Variants in SLC12A9 observed in about 807,000 individuals in gnomAD.
SLC12A9 encodes solute carrier family 12 member 9.
A neutral mutation model predicts 66.0 loss-of-function variants in SLC12A9; 55 were observed. The observed-to-expected ratio is 0.83, with a 90% CI of 0.67 to 1.04. The LOEUF (loss-of-function observed/expected upper bound fraction) is 1.04. Ranked by LOEUF, SLC12A9 falls within the 50% of genes least tolerant of loss-of-function variation. The pLI, the probability that SLC12A9 is intolerant of heterozygous loss-of-function variation, is 0.00. For missense variants in SLC12A9, 1,061 were observed against 1,241.9 expected (o/e 0.85, Z 2.19); for synonymous variants, 577 against 569.0 (o/e 1.01, Z -0.20).
chr7:100,856,033 A>C, intron 4 of SLC12A9, 196 bp downstream of exon 4: 1 of 742,596 alleles, frequency 1.3e-6, no homozygotes, highest in Non-Finnish European at 2.0e-6. Flanking sequence ...CAGGGAGCTA[A>C]CCATCTAATC....
At position 100,854,152 on chromosome 7, in the gene SLC12A9, G is replaced by T. The variant is rs1814240809; in HGVS notation, c.-42-4G>T. The T allele has an allele frequency of 2.0e-6, 3 of 1,501,932 alleles. No individual in the cohort carries two copies. Among genetic ancestry groups the T allele is most frequent in the Non-Finnish European group, 2.7e-6 (3 of 1,132,002 alleles). 93.0% of individuals were successfully genotyped at this position (1,501,932 alleles called of 1,614,324 possible). On this transcript the variant is annotated splice_region_variant and splice_polypyrimidine_tract_variant and intron_variant, in intron 1 of 13. Coordinates refer to ENST00000354161, the MANE Select transcript of SLC12A9 (RefSeq NM_020246.4). ...CTTTTGATGCAACATAATCTCCTTT[G>T]CAGGTCACCTAACCCATTTGTGGCT...
At chr7:100,843,304 A>C (rs1344286278) in intron 1 of SLC12A9, among the ~76,000 whole-genome samples, 1 of 152,262 alleles carries the variant, frequency 6.6e-6, no homozygotes, top group Non-Finnish European at 1.5e-5. Flanking sequence ...GAGGAATACC[A>C]GATCAATTTA....
intron 1 of SLC12A9, among the ~76,000 whole-genome samples, chr7:100,829,251 G>A (rs1363779283): frequency 5.9e-5 from 9 of 152,138 alleles, no homozygotes; most frequent in Admixed American, 4.6e-4. Flanking sequence ...GCCTCCCAAA[G>A]TGCTGGGATT....
chr7:100,847,559 G>T (rs572279956), intron 1 of SLC12A9, among the ~76,000 whole-genome samples: 1 of 152,134 alleles, frequency 6.6e-6, no homozygotes, highest in South Asian at 2.1e-4. Flanking sequence ...TTGTGAAAGC[G>T]GAAGAGGTGA....
rs550050883 is a variant in SLC12A9 at position 100,836,033 on chromosome 7, G to T, written n.228+8986G>T. Among the ~76,000 whole-genome samples the T allele has an allele frequency of 2.4e-4, 37 of 152,298 alleles. 1 individual carries two copies. The highest frequency in any genetic ancestry group is 2.0e-3 in the Admixed American group (30 of 15,294). ...GGGAGGCTCATTGTCCCAGCAGGGG[G>T]AAGTCTTTTGTTTCCTCTCTTCCCC... On this transcript the variant is annotated intron_variant and non_coding_transcript_variant, in intron 1 of 1. Transcript: ENST00000461016.
intron 1 of SLC12A9, among the ~76,000 whole-genome samples, chr7:100,846,208 T>C (rs751335547): frequency 4.6e-5 from 7 of 152,222 alleles, no homozygotes; most frequent in African/African-American, 1.7e-4. Flanking sequence ...ATAAGAGTTA[T>C]AATAGTAATA....
At position 100,859,177 on chromosome 7, in the gene SLC12A9, T is replaced by C. The variant is rs771005666; in HGVS notation, c.977+16T>C. On this transcript the variant is annotated intron_variant, in intron 7 of 13. Transcript: ENST00000354161. ...CTTGTGACAGGTGTCTGGGGAGGGATGGGGGTGGAGTGTCGAACAAGATTG... is the reference window on the plus strand; with the variant it reads ...CTTGTGACAGGTGTCTGGGGAGGGACGGGGGTGGAGTGTCGAACAAGATTG... 1.9e-6 allele frequency: 3 copies of C among 1,609,800 alleles called. 1 individual carries two copies. In the South Asian group the frequency reaches 3.3e-5, roughly 18 times the overall value.
intron 1 of SLC12A9, among the ~76,000 whole-genome samples, chr7:100,828,750 G>C (rs1813481939): frequency 1.3e-5 from 2 of 151,968 alleles, no homozygotes; most frequent in South Asian, 4.1e-4. Context: ...GCTCCTGGGG[G>C]CCCTCGGGAT....
intron 1 of SLC12A9, among the ~76,000 whole-genome samples, chr7:100,834,737 G>C (rs1335669761): frequency 6.6e-6 from 1 of 152,020 alleles, no homozygotes; most frequent in Admixed American, 6.6e-5. Context: ...GCCAGGCGTG[G>C]TGGAGCACGC....
rs1409986246 is a variant in SLC12A9, at chr7:100,855,722, A to G, written c.333A>G (p.Thr111=). 6.2e-7 allele frequency: 1 copy of G among 1,614,068 alleles called. No individual in the cohort carries two copies. Among genetic ancestry groups the G allele is most frequent in the Admixed American group, 1.7e-5 (1 of 60,018 alleles). ...GGGAYFMISR[T]LGPEVGGSIG... is the part of the protein sequence containing the mutation. ...CACTTTCAGTCATGATCAGCCGCAC[A>G]CTGGGGCCCGAGGTCGGGGGCAGCA... The change falls in exon 4 of 14, where the codon ACA becomes ACG. Residue 111 remains threonine, a synonymous_variant. Coordinates refer to ENST00000354161, the MANE Select transcript of SLC12A9 (RefSeq NM_020246.4).
At chr7:100,847,452 G>A (rs1454722740) in intron 1 of SLC12A9, among the ~76,000 whole-genome samples, 1 of 152,162 alleles carries the variant, frequency 6.6e-6, no homozygotes, top group Non-Finnish European at 1.5e-5. Flanking sequence ...GGCACCCATC[G>A]GGAATGGATG....
chr7:100,865,982 C>T lies in SLC12A9; in HGVS notation c.2122C>T (p.Pro708Ser), dbSNP rs1194955935. 6.2e-7 allele frequency: 1 copy of T among 1,612,878 alleles called. No homozygotes were observed. The highest frequency in any genetic ancestry group is 2.2e-5 in the East Asian group (1 of 44,858). Residue 708 changes from proline to serine, a missense_variant, in exon 14 of 14, where the codon CCT becomes TCT. Transcript: ENST00000354161. ...GGCCCGGGCCAGCGGGGCCTTGCCC[C>T]CTGAGCGGCTGAGCCGGGGGTCTGG... The part of the protein sequence containing the change: ...VLARASGALP[P>S]ERLSRGSGGT...
chr7:100,854,476 C>G (rs958119584), intron 2 of SLC12A9, 98 bp downstream of exon 2: 24 of 1,587,586 alleles, frequency 1.5e-5, no homozygotes, highest in Non-Finnish European at 2.0e-5. Flanking sequence ...GGAAGGGGAC[C>G]CAAGAGAAGC....
rs759189306 is a variant in SLC12A9, at chr7:100,859,097, G to A, written c.913G>A (p.Ala305Thr). 8 of 1,613,948 alleles carry A rather than the reference G, an allele frequency of 5.0e-6. No individual in the cohort carries two copies. Among genetic ancestry groups the A allele is most frequent in the African/African-American group, 1.3e-5 (1 of 75,014 alleles). The change falls in exon 7 of 14, where the codon GCC becomes ACC. Residue 305 changes from alanine to threonine, a missense_variant. By Grantham distance (58) the Ala-to-Thr change is moderately conservative. Coordinates refer to ENST00000354161, the MANE Select transcript of SLC12A9 (RefSeq NM_020246.4). ...SRAIPLGTIV[A>T]VAYTFFVYVL... Reference sequence around the variant, plus strand: ...GGCGATCCCTCTGGGCACGATCGTCGCCGTCGCCTACACCTTCTTCGTCTA... The same window carrying A: ...GGCGATCCCTCTGGGCACGATCGTCACCGTCGCCTACACCTTCTTCGTCTA...
intron 9 of SLC12A9, 176 bp downstream of exon 9, chr7:100,860,408 T>G: frequency 1.5e-6 from 1 of 668,376 alleles, no homozygotes; most frequent in Non-Finnish European, 2.5e-6. Context: ...ACCTTGCAGG[T>G]TGCCCCAGTG....
chr7:100,854,613 G>C lies in SLC12A9; in HGVS notation c.182-7G>C. The stretch of plus-strand genomic sequence containing the variant: ...CCCTGTGACCTGATTTGCTGCTCCT[G>C]CCTCAGGGTTCGTGGTGGGTCATGC... On this transcript the variant is annotated splice_region_variant and splice_polypyrimidine_tract_variant and intron_variant, in intron 2 of 13. Transcript: ENST00000354161. 6.2e-7 allele frequency: 1 copy of C among 1,613,994 alleles called. No individual in the cohort carries two copies. Among genetic ancestry groups the C allele is most frequent in the Non-Finnish European group, 8.5e-7 (1 of 1,179,972 alleles).
upstream of SLC12A9, among the ~76,000 whole-genome samples, chr7:100,849,835 T>C (rs1814018879): frequency 6.6e-6 from 1 of 151,594 alleles, no homozygotes; most frequent in Non-Finnish European, 1.5e-5. Context: ...CCTACCCTCT[T>C]TCTACTGTGC....
chr7:100,844,820 C>T (rs1325764286), intron 1 of SLC12A9, among the ~76,000 whole-genome samples: 3 of 152,156 alleles, frequency 2.0e-5, no homozygotes, highest in Admixed American at 6.6e-5. Flanking sequence ...AGTTTATAAA[C>T]GCTCTCCTGA....
At chr7:100,840,505 C>G (rs115557853) in intron 1 of SLC12A9, among the ~76,000 whole-genome samples, 2 of 151,926 alleles carry the variant, frequency 1.3e-5, no homozygotes, top group East Asian at 3.9e-4. Context: ...TTAGACCCCC[C>G]GCCCCCAACA....
Sources: allele counts gnomAD v4.1 joint callset (sites outside exome capture counted in the v4.1 genomes callset), GRCh38; gene constraint gnomAD v4.1.1; transcripts MANE v1.5; gene names NCBI Gene and HGNC (gene_info 2026-07-23, HGNC 2026-07-21).